The following PSTPIP2 variants were observed in gnomAD, a reference collection of about 807,000 sequenced individuals.
PSTPIP2 encodes proline-serine-threonine phosphatase-interacting protein 2.
Under a neutral mutation model 63.3 loss-of-function variants are expected in PSTPIP2, and 33 were observed. That is an observed-to-expected ratio of 0.52 (90% confidence interval 0.40 to 0.70). The LOEUF (loss-of-function observed/expected upper bound fraction) is 0.70. PSTPIP2 is among the 30% of genes least tolerant of loss of function. The pLI is 0.00. For synonymous variants in PSTPIP2, 125 were observed against 132.7 expected (o/e 0.94, Z 0.40); for missense variants, 312 against 400.7 (o/e 0.78, Z 1.89).
chr18:46,064,487 A>T (rs1193679152), intron 1 of PSTPIP2, among the ~76,000 whole-genome samples: 1 of 129,766 alleles, frequency 7.7e-6, no homozygotes, highest in Non-Finnish European at 1.6e-5. Context: ...TTAAGTAAAG[A>T]CGGGGTTTCA....
intron 2 of PSTPIP2, chr18:46,029,823 G>C: frequency 8.9e-6 from 4 of 450,366 alleles, no homozygotes; most frequent in South Asian, 6.3e-5. Flanking sequence ...GGAATGAAAA[G>C]GGCAAGGCCG....
At chr18:46,052,868 T>C (rs1246066461) in intron 1 of PSTPIP2, among the ~76,000 whole-genome samples, 1 of 152,246 alleles carries the variant, frequency 6.6e-6, no homozygotes, top group East Asian at 1.9e-4. Context: ...TTTCCTACAG[T>C]GCTCTAGTTT....
At position 46,066,820 on chromosome 18, in the gene PSTPIP2, T is replaced by C. The variant is rs941221245; in HGVS notation, c.33+5336A>G. The stretch of plus-strand genomic sequence containing the variant: ...CGGGCGAATCACCTGAGGTCAGGAG[T>C]TCCAGACCAGCCTGCCCAACCTGGT... On this transcript the variant is annotated intron_variant, in intron 1 of 14. Transcript: ENST00000409746. 9.9e-5 allele frequency among the ~76,000 whole-genome samples: 15 copies of C among 151,252 alleles called. 1 individual carries two copies. The Middle Eastern group carries it at 0.014, about 138-fold the overall frequency.
At chr18:46,014,109 A>G (rs1216653167) in intron 4 of PSTPIP2, among the ~76,000 whole-genome samples, 2 of 151,606 alleles carry the variant, frequency 1.3e-5, no homozygotes, top group African/African-American at 4.8e-5. Flanking sequence ...TACTACCTCT[A>G]CTTCCCAGGT....
intron 13 of PSTPIP2, among the ~76,000 whole-genome samples, chr18:45,989,093 T>C (rs2144056012): frequency 6.6e-6 from 1 of 152,342 alleles, no homozygotes; most frequent in East Asian, 1.9e-4. Context: ...TAAATCTTCA[T>C]ATTGTTCAAA....
At chr18:46,024,430 G>A (rs1008755532) in intron 3 of PSTPIP2, among the ~76,000 whole-genome samples, 179 bp downstream of exon 3, 2 of 152,058 alleles carry the variant, frequency 1.3e-5, no homozygotes, top group African/African-American at 2.4e-5. Flanking sequence ...GAGCCACTGC[G>A]CCTGACTGAG....
At chr18:46,029,029 T>C in intron 2 of PSTPIP2, 1 of 808,768 alleles carries the variant, frequency 1.2e-6, no homozygotes, top group Non-Finnish European at 2.2e-6. Context: ...AGATAACCTA[T>C]ATCACTATTT....
At chr18:45,995,591 G>A (rs776338608) in intron 9 of PSTPIP2, among the ~76,000 whole-genome samples, 1 of 152,172 alleles carries the variant, frequency 6.6e-6, no homozygotes, top group Non-Finnish European at 1.5e-5. Flanking sequence ...GGCAAAGAGA[G>A]ATCAAATAAG....
intron 1 of PSTPIP2, among the ~76,000 whole-genome samples, chr18:46,045,815 A>G (rs887197238): frequency 6.6e-6 from 1 of 152,176 alleles, no homozygotes; most frequent in Non-Finnish European, 1.5e-5. Flanking sequence ...GGTGGTGCAC[A>G]CCCACACCTG....
intron 14 of PSTPIP2, among the ~76,000 whole-genome samples, chr18:45,988,475 A>G (rs866361252): frequency 6.6e-6 from 1 of 151,372 alleles, no homozygotes; most frequent in Middle Eastern, 3.2e-3. Context: ...GGAATAATCA[A>G]TGAAGGAAAA....
intron 4 of PSTPIP2, among the ~76,000 whole-genome samples, chr18:46,014,358 G>T (rs983936327): frequency 2.0e-5 from 3 of 151,854 alleles, no homozygotes; most frequent in Middle Eastern, 3.2e-3. Context: ...TCCTGACCCT[G>T]GGAAGAAAAG....
intron 5 of PSTPIP2, among the ~76,000 whole-genome samples, chr18:46,010,600 T>A (rs969657092): frequency 3.3e-5 from 5 of 152,202 alleles, no homozygotes; most frequent in African/African-American, 1.2e-4. Flanking sequence ...TCCCAAATAT[T>A]TGTCAGTTTT....
At chr18:46,070,727 C>T (rs973840613) in intron 1 of PSTPIP2, among the ~76,000 whole-genome samples, 2 of 151,838 alleles carry the variant, frequency 1.3e-5, no homozygotes, top group Non-Finnish European at 2.9e-5. Context: ...ACTATGTTGC[C>T]CAGGGTGGTC....
At chr18:45,988,255 A>G (rs1427062118) in intron 14 of PSTPIP2, among the ~76,000 whole-genome samples, 11 of 151,808 alleles carry the variant, frequency 7.2e-5, no homozygotes, top group Admixed American at 7.2e-4. Context: ...AACATGGTGA[A>G]GCCCTGTTTC....
chr18:46,049,286 A>AGCCACACACTGGGG (rs1908499624), intron 1 of PSTPIP2, among the ~76,000 whole-genome samples: 1 of 152,036 alleles, frequency 6.6e-6, no homozygotes, highest in Non-Finnish European at 1.5e-5. Context: ...CATAGAGGGG[A>AGCCACACACTGGGG]GCCACACACT....
intron 14 of PSTPIP2, among the ~76,000 whole-genome samples, chr18:45,986,743 A>C (rs2051471224): frequency 6.6e-6 from 1 of 152,264 alleles, no homozygotes; most frequent in Non-Finnish European, 1.5e-5. Flanking sequence ...TATGTCTTCA[A>C]GTTCCATATA....
chr18:46,071,306 C>A (rs9783887), intron 1 of PSTPIP2, among the ~76,000 whole-genome samples: 56,510 of 151,746 alleles, frequency 0.37, 10,864 homozygotes, highest in Middle Eastern at 0.53. Flanking sequence ...AGGTTTGCAG[C>A]CTCCTGCTCC....
chr18:46,018,269 A>T (rs142065303), intron 3 of PSTPIP2, among the ~76,000 whole-genome samples: 4 of 152,200 alleles, frequency 2.6e-5, no homozygotes, highest in African/African-American at 9.6e-5. Context: ...TCTTCAGACC[A>T]CTCTGATGAA....
chr18:46,025,695 AAAG>A (rs1907554603), intron 2 of PSTPIP2, among the ~76,000 whole-genome samples: 2 of 151,852 alleles, frequency 1.3e-5, no homozygotes, highest in African/African-American at 2.4e-5. Context: ...AAAAAAAAAA[AAAG>A]AAAGAAAGAA....
Sources: gnomAD v4.1 joint callset for allele counts (sites outside exome capture counted in the v4.1 genomes callset) on GRCh38, gnomAD v4.1.1 for gene constraint, MANE v1.5 for transcripts, NCBI Gene and HGNC (gene_info 2026-07-23, HGNC 2026-07-21) for gene names.